TMPRSS5: variants seen among roughly 807,000 people sequenced by gnomAD.
TMPRSS5 encodes transmembrane protease serine 5.
Under a neutral mutation model 59.7 loss-of-function variants are expected in TMPRSS5, and 45 were observed. That is an observed-to-expected ratio of 0.75 (90% confidence interval 0.59 to 0.97). The LOEUF (loss-of-function observed/expected upper bound fraction) is 0.97, where lower values mean the gene tolerates loss of function less well. Ranked by LOEUF, TMPRSS5 falls within the 50% of genes least tolerant of loss-of-function variation. TMPRSS5 has a pLI of 0.00. For synonymous variants in TMPRSS5, 225 were observed against 232.0 expected, an observed-to-expected ratio of 0.97 and a Z score of 0.27; for missense variants, 585 against 596.7, an observed-to-expected ratio of 0.98 and a Z score of 0.20.
At chr11:113,690,180 T>TG in intron 11 of TMPRSS5, 51 bp downstream of exon 11, 2 of 187,990 alleles carry the variant, frequency 1.1e-5, no homozygotes, top group Non-Finnish European at 1.8e-5. Context: ...CCCCCTGCCC[T>TG]CCCACCCCCA....
intron 1 of TMPRSS5, among the ~76,000 whole-genome samples, chr11:113,705,571 T>G (rs1953268018): frequency 6.6e-6 from 1 of 152,148 alleles, no homozygotes; most frequent in Non-Finnish European, 1.5e-5. Context: ...TTCTTGTGCC[T>G]ACAGATGAGA....
intron 4 of TMPRSS5, among the ~76,000 whole-genome samples, chr11:113,698,645 T>C (rs1952994400): frequency 6.6e-6 from 1 of 152,166 alleles, no homozygotes; most frequent in Non-Finnish European, 1.5e-5. Context: ...CTGCCCCAAA[T>C]GGCAAGTTTC....
chr11:113,700,136 C>G lies in TMPRSS5; in HGVS notation c.36G>C (p.Glu12Asp). Reference sequence around the variant, plus strand: ...CTGGGCCCTCCTCTGCATACTGGGCCTCCATAGGGGGTTGGTCATCCAGCA... The same window carrying G: ...CTGGGCCCTCCTCTGCATACTGGGCGTCCATAGGGGGTTGGTCATCCAGCA... Reference protein sequence around the residue: ...SLMLDDQPPMEAQYAEEGPGP... With the variant: ...SLMLDDQPPMDAQYAEEGPGP... The change falls in exon 2 of 13, where the codon GAG becomes GAC. Residue 12 changes from glutamate to aspartate, a missense_variant. Coordinates refer to ENST00000299882, the MANE Select transcript of TMPRSS5 (RefSeq NM_030770.4). The G allele has an allele frequency of 6.3e-7, 1 of 1,580,436 alleles. No individual in the cohort carries two copies. The highest frequency in any genetic ancestry group is 8.6e-7 in the Non-Finnish European group (1 of 1,161,800).
At position 113,687,966 on chromosome 11, in the gene TMPRSS5, CCT is replaced by C; in HGVS notation, c.*292_*293del. 1 of 362,912 alleles carries C rather than the reference CCT, an allele frequency of 2.8e-6. No homozygotes were observed. Among genetic ancestry groups the C allele is most frequent in the Admixed American group, 4.7e-5 (1 of 21,494 alleles). The allele number at this position is 362,912 out of a possible 1,614,324, so 22.5% of individuals were successfully genotyped here. On this transcript the variant is annotated 3_prime_UTR_variant, in exon 13 of 13. Transcript: ENST00000299882. ...GCAGCCTCTTCATCTCCAGCTCCTACCTCTCTCCTCCCCCTCATCCCTCAGCA... is the reference window on the plus strand; with the variant it reads ...GCAGCCTCTTCATCTCCAGCTCCTACCTCTCCTCCCCCTCATCCCTCAGCA...
intron 1 of TMPRSS5, among the ~76,000 whole-genome samples, chr11:113,704,090 G>C (rs1953217761): frequency 6.6e-6 from 1 of 152,126 alleles, no homozygotes; most frequent in South Asian, 2.1e-4. Context: ...GGGCAGTCCA[G>C]ACAAAGAGGA....
chr11:113,690,176 G>GGCCCCCCCCCCCCC, intron 11 of TMPRSS5, 55 bp downstream of exon 11: 15 of 388,222 alleles, frequency 3.9e-5, no homozygotes, highest in Non-Finnish European at 5.8e-5. Flanking sequence ...CAGGCCCCCT[G>GGCCCCCCCCCCCCC]CCCTCCCACC....
At position 113,696,910 on chromosome 11, in the gene TMPRSS5, C is replaced by T. The variant is rs772249235; in HGVS notation, c.526G>A (p.Ala176Thr). ...CCTCCCAGTCTAGGAGAGAGCTGAGCAAACTCCTGGGAACTGTTGAGTTTG... is the reference window on the plus strand; with the variant it reads ...CCTCCCAGTCTAGGAGAGAGCTGAGTAAACTCCTGGGAACTGTTGAGTTTG... Reference protein sequence around the residue: ...DIKLNSSQEFAQLSPRLGGFL... With the variant: ...DIKLNSSQEFTQLSPRLGGFL... Residue 176 changes from alanine to threonine, a missense_variant, in exon 6 of 13, where the codon GCT becomes ACT. Transcript: ENST00000299882. 6.3e-7 allele frequency: 1 copy of T among 1,579,864 alleles called. No homozygotes were observed. Among genetic ancestry groups the T allele is most frequent in the African/African-American group, 1.3e-5 (1 of 74,326 alleles).
chr11:113,699,277 C>G (rs1041280087), intron 3 of TMPRSS5, among the ~76,000 whole-genome samples: 2 of 109,454 alleles, frequency 1.8e-5, no homozygotes, highest in South Asian at 3.0e-4. Context: ...CTCTCCCTCT[C>G]TCTCTCTCTC....
rs1296347452 is a variant in TMPRSS5, at chr11:113,695,163, G to A, written c.622+237C>T. On this transcript the variant is annotated intron_variant, in intron 7 of 12. Transcript: ENST00000299882. ...AAGGAAGAGAGTGGCAGGTAGTGAAGGAAGGAGATCATCAGCCCAGATCTG... is the reference window on the plus strand; with the variant it reads ...AAGGAAGAGAGTGGCAGGTAGTGAAAGAAGGAGATCATCAGCCCAGATCTG... 6.6e-5 allele frequency among the ~76,000 whole-genome samples: 10 copies of A among 152,332 alleles called. No homozygotes were observed. The East Asian group carries it at 1.7e-3, about 26-fold the overall frequency.
intron 9 of TMPRSS5, among the ~76,000 whole-genome samples, chr11:113,692,646 T>C (rs1952814682): frequency 6.6e-6 from 1 of 152,232 alleles, no homozygotes; most frequent in Non-Finnish European, 1.5e-5. Context: ...CTCTTGTCTG[T>C]ATCTACCTGT....
chr11:113,700,297 A>T (rs1953095791), intron 1 of TMPRSS5, 129 bp from the exon 2 acceptor site: 2 of 873,792 alleles, frequency 2.3e-6, no homozygotes, highest in East Asian at 5.7e-5. Flanking sequence ...ACCTCTACTC[A>T]TCTTGGAGAC....
intron 6 of TMPRSS5, 81 bp from the exon 7 acceptor site, chr11:113,695,524 G>A (rs554112449): frequency 7.0e-7 from 1 of 1,435,258 alleles, no homozygotes; most frequent in East Asian, 2.3e-5. Flanking sequence ...AAGAATGGGG[G>A]AGGCTGGTGG....
At chr11:113,695,336 C>T (rs1952898423) in intron 7 of TMPRSS5, 64 bp downstream of exon 7, 3 of 1,583,886 alleles carry the variant, frequency 1.9e-6, no homozygotes, top group Non-Finnish European at 2.6e-6. Context: ...CTCTTCCACA[C>T]TTGAGGCAGG....
chr11:113,699,276 T>TCTCTCTCCCTCTCTCTCTCC (rs1565263911), intron 3 of TMPRSS5, among the ~76,000 whole-genome samples: 4 of 92,968 alleles, frequency 4.3e-5, no homozygotes, highest in Admixed American at 3.9e-4. Flanking sequence ...TCTCTCCCTC[T>TCTCTCTCCCTCTCTCTCTCC]CTCTCTCTCT....
Position 113,691,073 on chromosome 11 carries a change from A to C in TMPRSS5, c.965-134T>G. The C allele has an allele frequency of 3.9e-6, 3 of 769,382 alleles. 1 individual carries two copies. In the South Asian group the frequency reaches 5.6e-5, roughly 14 times the overall value. The allele number at this position is 769,382 out of a possible 1,614,324, so 47.7% of individuals were successfully genotyped here. A position where few individuals can be genotyped will look rare whatever the true frequency, so the allele number is the denominator to read the frequency against. On this transcript the variant is annotated intron_variant, in intron 9 of 12. Transcript: ENST00000299882. ...ACAGTCCTGGCTCCTGGGTTCCACC[A>C]GCCAGGCCTCCTAGATGGCTATGCA...
chr11:113,693,056 A>G lies in TMPRSS5; in HGVS notation c.964+15T>C, dbSNP rs1196043208. ...CATAGTCTCCAGCCTGCCCACCCTC[A>G]AGCCAGTGCCGCACCTGAGAAGTTG... On this transcript the variant is annotated intron_variant, in intron 9 of 12. Transcript: ENST00000299882. 3 of 1,550,300 alleles carry G rather than the reference A, an allele frequency of 1.9e-6. No individual in the cohort carries two copies. The highest frequency in any genetic ancestry group is 2.0e-5 in the Admixed American group (1 of 51,228).
intron 9 of TMPRSS5, among the ~76,000 whole-genome samples, 154 bp downstream of exon 9, chr11:113,692,917 A>G (rs1328196327): frequency 6.6e-6 from 1 of 152,180 alleles, no homozygotes; most frequent in African/African-American, 2.4e-5. Context: ...GAACCAGATG[A>G]TGCCAAAATT....
In TMPRSS5 at chr11:113,690,805, C is replaced by T. The variant is rs560564391; in HGVS notation, c.1063+36G>A. ...CCCTGGGGAAGAATGCCTCCCACAC[C>T]CGCCCCTGCACCGAGGGCCCAGGGA... On this transcript the variant is annotated intron_variant, in intron 10 of 12. Coordinates refer to ENST00000299882, the MANE Select transcript of TMPRSS5 (RefSeq NM_030770.4). 6.5e-6 allele frequency: 10 copies of T among 1,537,700 alleles called. No homozygotes were observed. The East Asian group carries it at 2.4e-4, about 37-fold the overall frequency.
chr11:113,705,394 G>A (rs764804958), intron 1 of TMPRSS5, among the ~76,000 whole-genome samples: 1 of 152,066 alleles, frequency 6.6e-6, no homozygotes, highest in Non-Finnish European at 1.5e-5. Flanking sequence ...CACAGACAGC[G>A]CAGCAGCCCC....
Sources: gnomAD v4.1 joint callset for allele counts (sites outside exome capture counted in the v4.1 genomes callset) on GRCh38, gnomAD v4.1.1 for gene constraint, MANE v1.5 for transcripts, NCBI Gene and HGNC (gene_info 2026-07-23, HGNC 2026-07-21) for gene names.